STK39: variants seen among roughly 807,000 people sequenced by gnomAD.
STK39 encodes the protein STE20/SPS1-related proline-alanine-rich protein kinase.
A neutral mutation model predicts 77.8 loss-of-function variants in STK39; 20 were observed. The observed-to-expected ratio is 0.26, with a 90% CI of 0.18 to 0.37. The LOEUF (loss-of-function observed/expected upper bound fraction) is 0.37. Ranked by LOEUF, STK39 falls within the 10% of genes least tolerant of loss-of-function variation. The probability of loss-of-function intolerance (pLI) is 1.00; values close to 1 mark genes in which losing one functional copy is unlikely to be tolerated. For synonymous variants in STK39, 246 were observed against 234.1 expected (o/e 1.05, Z -0.47); for missense variants, 479 against 656.5 (o/e 0.73, Z 2.95).
At chr2:168,145,454 C>T (rs147873494) in intron 5 of STK39, among the ~76,000 whole-genome samples, 239 of 152,164 alleles carry the variant, frequency 1.6e-3, no homozygotes, top group African/African-American at 5.6e-3. Context: ...TGCTTGGCAC[C>T]AGAAGAAAGT....
intron 1 of STK39, among the ~76,000 whole-genome samples, chr2:168,219,115 T>C (rs1039239033): frequency 2.6e-5 from 4 of 152,044 alleles, no homozygotes; most frequent in Non-Finnish European, 4.4e-5. Context: ...AGTGAGATGA[T>C]AGCACTCTAA....
intron 1 of STK39, among the ~76,000 whole-genome samples, chr2:168,202,116 AC>A (rs1259232448): frequency 6.6e-6 from 1 of 152,148 alleles, no homozygotes; most frequent in Non-Finnish European, 1.5e-5. Context: ...TCTGTGGACC[AC>A]CTGCATCAGA....
At chr2:168,221,344 G>A (rs6433046) in intron 1 of STK39, among the ~76,000 whole-genome samples, 122,039 of 152,184 alleles carry the variant, frequency 0.8, 48,975 homozygotes, top group Non-Finnish European at 0.82. Context: ...ATACATGCGT[G>A]TCAAAAAACA....
At chr2:168,048,503 C>CGCCCGGCCCG (rs34876128) in intron 14 of STK39, among the ~76,000 whole-genome samples, 74,282 of 150,280 alleles carry the variant, frequency 0.49, 19,152 homozygotes, top group Admixed American at 0.56. Flanking sequence ...TGAGCCACCG[C>CGCCCGGCCCG]GCCCGGCCCG....
chr2:168,209,236 A>G (rs977972635), intron 1 of STK39, among the ~76,000 whole-genome samples: 2 of 152,242 alleles, frequency 1.3e-5, no homozygotes, highest in East Asian at 1.9e-4. Flanking sequence ...GCAAAATCAA[A>G]TAACTTTTAA....
intron 10 of STK39, among the ~76,000 whole-genome samples, chr2:168,096,397 G>A (rs1686667602): frequency 6.6e-6 from 1 of 152,124 alleles, no homozygotes; most frequent in Non-Finnish European, 1.5e-5. Context: ...AACACACGGT[G>A]ATAATACCTA....
chr2:168,245,944 CA>C (rs1690887322), intron 1 of STK39, among the ~76,000 whole-genome samples: 1 of 152,042 alleles, frequency 6.6e-6, no homozygotes, highest in African/African-American at 2.4e-5. Flanking sequence ...AACATTTTCT[CA>C]CATATTTTTA....
intron 16 of STK39, among the ~76,000 whole-genome samples, chr2:168,010,063 C>A (rs1444564803): frequency 6.6e-6 from 1 of 152,228 alleles, no homozygotes; most frequent in Non-Finnish European, 1.5e-5. Context: ...GCCTTTCCGT[C>A]AAGCTCTCTT....
chr2:168,198,025 C>T (rs968597387), intron 1 of STK39, among the ~76,000 whole-genome samples: 10 of 139,778 alleles, frequency 7.2e-5, no homozygotes, highest in African/African-American at 1.4e-4. Flanking sequence ...GCAAAAAGAA[C>T]GAAACTCGGT....
intron 15 of STK39, among the ~76,000 whole-genome samples, chr2:168,015,622 C>T (rs1321832015): frequency 2.0e-5 from 3 of 152,246 alleles, no homozygotes; most frequent in African/African-American, 2.4e-5. Context: ...AGCTCATATT[C>T]ACTTCTTTGT....
chr2:167,967,969 C>T (rs903054698), intron 16 of STK39, among the ~76,000 whole-genome samples: 5 of 145,718 alleles, frequency 3.4e-5, no homozygotes, highest in African/African-American at 1.3e-4. Context: ...TCAAGTAGGC[C>T]CTGGTGTCTG....
chr2:168,112,192 A>C (rs1392396640), intron 10 of STK39, among the ~76,000 whole-genome samples: 2 of 151,870 alleles, frequency 1.3e-5, no homozygotes, highest in Admixed American at 1.3e-4. Flanking sequence ...AAATCCATTC[A>C]ATCTCTACAG....
intron 1 of STK39, among the ~76,000 whole-genome samples, chr2:168,203,177 C>G (rs1689655156): frequency 6.6e-6 from 1 of 152,026 alleles, no homozygotes; most frequent in Non-Finnish European, 1.5e-5. Context: ...GTTTCAGAGG[C>G]TCAGGGAAGA....
chr2:168,051,586 A>G (rs1685396509), intron 14 of STK39, among the ~76,000 whole-genome samples: 2 of 152,044 alleles, frequency 1.3e-5, no homozygotes, highest in Non-Finnish European at 2.9e-5. Context: ...GTGGAACTTA[A>G]GATGAGAGGA....
intron 10 of STK39, among the ~76,000 whole-genome samples, chr2:168,100,145 C>A (rs1686783025): frequency 1.3e-5 from 2 of 152,178 alleles, no homozygotes; most frequent in Admixed American, 6.5e-5. Flanking sequence ...ACAAGTTTTG[C>A]AGACTATTTC....
Position 168,129,547 on chromosome 2 carries a change from G to C in STK39, c.1083C>G (p.Ala361=). The C allele has an allele frequency of 6.2e-7, 1 of 1,613,774 alleles. No individual in the cohort carries two copies. The highest frequency in any genetic ancestry group is 2.2e-5 in the East Asian group (1 of 44,868). ...LTRTPDIAQR[A]KKVRRVPGSS... ...GAAGGCTAATGGCACTTACCTTTTT[G>C]GCTCTTTGGGCTATGTCTGGTGTTC... Residue 361 remains alanine, a synonymous_variant, in exon 10 of 18, where the codon GCC becomes GCG. Transcript: ENST00000355999.
chr2:167,988,995 C>G (rs1314640280), intron 16 of STK39, among the ~76,000 whole-genome samples: 1 of 152,182 alleles, frequency 6.6e-6, no homozygotes, highest in African/African-American at 2.4e-5. Flanking sequence ...TGCTCACCCC[C>G]ACAGAACAAG....
intron 15 of STK39, among the ~76,000 whole-genome samples, chr2:168,012,908 G>A (rs1684307005): frequency 6.6e-6 from 1 of 152,168 alleles, no homozygotes; most frequent in Non-Finnish European, 1.5e-5. Flanking sequence ...TTCAACAGAA[G>A]TTATGCAAAA....
intron 10 of STK39, among the ~76,000 whole-genome samples, chr2:168,091,187 A>G (rs1208121156): frequency 7.2e-6 from 1 of 139,748 alleles, no homozygotes; most frequent in East Asian, 2.1e-4. Context: ...CACACACATG[A>G]TACAGCACAG....
Sources: gnomAD v4.1 joint callset for allele counts (sites outside exome capture counted in the v4.1 genomes callset) on GRCh38, gnomAD v4.1.1 for gene constraint, MANE v1.5 for transcripts, NCBI Gene and HGNC (gene_info 2026-07-23, HGNC 2026-07-21) for gene names.